Variants in RANBP2 observed in about 807,000 individuals in gnomAD.
RANBP2 encodes the protein E3 SUMO-protein ligase RanBP2.
RANBP2 carries 57 observed loss-of-function variants against 303.6 expected under a neutral mutation model. The observed-to-expected ratio is 0.19, with a 90% CI of 0.15 to 0.23. The LOEUF (loss-of-function observed/expected upper bound fraction) is 0.23. Ranked by LOEUF, RANBP2 falls within the 10% of genes least tolerant of loss-of-function variation. RANBP2 has a pLI of 1.00. For synonymous variants in RANBP2, 1,167 were observed against 1,301.5 expected, an observed-to-expected ratio of 0.90 and a Z score of 2.23; for missense variants, 3,138 against 3,780.8, an observed-to-expected ratio of 0.83 and a Z score of 4.46.
chr2:109,338,949 A>G, the RANBP2 span, among the ~76,000 whole-genome samples: 1 of 152,202 alleles, frequency 6.6e-6, no homozygotes, highest in Admixed American at 6.5e-5. Context: ...ATCTTGGGAG[A>G]ACTATACATT....
chr2:108,863,286 A>G, the RANBP2 span, among the ~76,000 whole-genome samples: 7 of 152,366 alleles, frequency 4.6e-5, no homozygotes, highest in Middle Eastern at 3.4e-3. Context: ...CTAATCCTAC[A>G]TACATATCAT....
the RANBP2 span, among the ~76,000 whole-genome samples, chr2:109,114,822 G>T: frequency 1.1e-4 from 16 of 152,116 alleles, no homozygotes; most frequent in Admixed American, 9.8e-4. Flanking sequence ...CAGAGACTCT[G>T]GTATGTTGTG....
the RANBP2 span, among the ~76,000 whole-genome samples, chr2:108,926,637 C>T: frequency 8.2e-3 from 1,253 of 152,328 alleles, 19 homozygotes; most frequent in African/African-American, 0.029. Flanking sequence ...TCTCTCTCCC[C>T]CTTTCCTCCT....
At chr2:109,143,662 G>C in the RANBP2 span, among the ~76,000 whole-genome samples, 1 of 152,148 alleles carries the variant, frequency 6.6e-6, no homozygotes, top group Admixed American at 6.5e-5. Flanking sequence ...GCTGAGGTAG[G>C]AGGATTTCTT....
At chr2:109,128,336 G>A in the RANBP2 span, 11 of 152,206 alleles carry the variant, frequency 7.2e-5, no homozygotes, top group African/African-American at 2.7e-4. Flanking sequence ...TTGGAGCGGG[G>A]GTTCACGAGA....
At chr2:109,657,713 A>AG in the RANBP2 span, among the ~76,000 whole-genome samples, 6 of 89,806 alleles carry the variant, frequency 6.7e-5, no homozygotes, top group Admixed American at 8.8e-4. Context: ...GAATTAGCTG[A>AG]GTTTTTTTTT....
the RANBP2 span, among the ~76,000 whole-genome samples, chr2:109,236,485 GGT>G: frequency 1.3e-5 from 2 of 152,162 alleles, no homozygotes; most frequent in Non-Finnish European, 2.9e-5. Flanking sequence ...AATCAGAAAA[GGT>G]GGTCTTCTTG....
At chr2:108,963,865 C>T in the RANBP2 span, among the ~76,000 whole-genome samples, 2 of 152,126 alleles carry the variant, frequency 1.3e-5, no homozygotes, top group African/African-American at 2.4e-5. Context: ...TGGAGAGACA[C>T]CCACACACTC....
chr2:108,911,595 TGCC>T, the RANBP2 span, among the ~76,000 whole-genome samples: 4 of 152,310 alleles, frequency 2.6e-5, no homozygotes, highest in Non-Finnish European at 1.5e-5. Flanking sequence ...CCACCTGCAC[TGCC>T]GCCTCCACCA....
At chr2:108,975,000 A>G in the RANBP2 span, among the ~76,000 whole-genome samples, 1 of 152,210 alleles carries the variant, frequency 6.6e-6, no homozygotes, top group East Asian at 1.9e-4. Context: ...GCCATTCTGC[A>G]AGTCCCCTCA....
the RANBP2 span, among the ~76,000 whole-genome samples, chr2:109,255,117 A>T: frequency 1.3e-5 from 2 of 152,102 alleles, no homozygotes; most frequent in Non-Finnish European, 2.9e-5. Flanking sequence ...GTTAAAGATT[A>T]GTGTTTGTGT....
chr2:109,371,256 G>A, the RANBP2 span, among the ~76,000 whole-genome samples: 13 of 152,350 alleles, frequency 8.5e-5, no homozygotes, highest in African/African-American at 3.1e-4. Flanking sequence ...TGGGTGTGGT[G>A]GCACACGCCT....
the RANBP2 span, among the ~76,000 whole-genome samples, chr2:108,843,886 CTTTT>C: frequency 5.3e-5 from 5 of 94,018 alleles, 1 homozygote; most frequent in Admixed American, 4.7e-4. Flanking sequence ...GTGTTTCTTT[CTTTT>C]TTTTTTTTTT....
chr2:109,654,911 T>C, the RANBP2 span, among the ~76,000 whole-genome samples: 69 of 151,902 alleles, frequency 4.5e-4, no homozygotes, highest in Non-Finnish European at 8.1e-4. Flanking sequence ...CTTTTCTTTT[T>C]TTTTTTTTTG....
the RANBP2 span, among the ~76,000 whole-genome samples, chr2:109,228,095 T>C: frequency 6.6e-6 from 1 of 152,196 alleles, no homozygotes; most frequent in Non-Finnish European, 1.5e-5. Flanking sequence ...TTACTCTCTC[T>C]TGACACATAC....
chr2:109,668,919 G>T, the RANBP2 span, among the ~76,000 whole-genome samples: 1 of 152,120 alleles, frequency 6.6e-6, no homozygotes, highest in Non-Finnish European at 1.5e-5. Context: ...ATTCATGAAT[G>T]GGAAGGATAA....
At chr2:109,594,547 TTCTCC>T in the RANBP2 span, 1 of 151,736 alleles carries the variant, frequency 6.6e-6, no homozygotes, top group Non-Finnish European at 1.5e-5. Flanking sequence ...CAGCACAGTG[TTCTCC>T]TCTGTATACT....
the RANBP2 span, among the ~76,000 whole-genome samples, chr2:109,249,569 TTCCTTCCTTCC>T: frequency 7.2e-5 from 10 of 138,840 alleles, no homozygotes; most frequent in African/African-American, 2.9e-4. Flanking sequence ...CCTTCCTTCC[TTCCTTCCTTCC>T]TTCCTTTCCT....
chr2:109,765,873 T>C, the RANBP2 span, among the ~76,000 whole-genome samples: 3 of 150,818 alleles, frequency 2.0e-5, no homozygotes, highest in African/African-American at 7.3e-5. Context: ...TTTTAGACTT[T>C]ACTTCATGGT....
Sources: gnomAD v4.1 joint callset for allele counts (sites outside exome capture counted in the v4.1 genomes callset) on GRCh38, gnomAD v4.1.1 for gene constraint, MANE v1.5 for transcripts, NCBI Gene and HGNC (gene_info 2026-07-23, HGNC 2026-07-21) for gene names.